LAMA1: variants seen among roughly 807,000 people sequenced by gnomAD.
The protein encoded by LAMA1 is laminin subunit alpha-1.
A neutral mutation model predicts 348.7 loss-of-function variants in LAMA1; 219 were observed. The observed-to-expected ratio is 0.63, with a 90% CI of 0.56 to 0.70. LAMA1 has a LOEUF of 0.70. LAMA1 is among the 30% of genes least tolerant of loss of function. The probability of loss-of-function intolerance (pLI) is 0.00; values close to 1 mark genes in which losing one functional copy is unlikely to be tolerated. For missense variants in LAMA1, 3,744 were observed against 3,888.0 expected (o/e 0.96, Z 0.99); for synonymous variants, 1,487 against 1,491.0 (o/e 1.00, Z 0.06).
intron 56 of LAMA1, 174 bp from the exon 57 acceptor site, chr18:6,955,639 C>A (rs2057572907): frequency 2.9e-6 from 2 of 693,090 alleles, no homozygotes; most frequent in Non-Finnish European, 5.3e-6. Flanking sequence ...CTCGCCAGCG[C>A]TTTATCTCCC....
At chr18:7,051,009 G>T in intron 3 of LAMA1, 73 bp from the exon 4 acceptor site, 1 of 1,563,230 alleles carries the variant, frequency 6.4e-7, no homozygotes, top group Non-Finnish European at 8.7e-7. Flanking sequence ...GCTACTGCAT[G>T]ATCTAACTTA....
At chr18:6,985,729 A>G in intron 37 of LAMA1, 86 bp from the exon 38 acceptor site, 1 of 817,502 alleles carries the variant, frequency 1.2e-6, no homozygotes, top group Non-Finnish European at 2.1e-6. Flanking sequence ...TGCAGAAGTT[A>G]GTGCATGGGA....
At chr18:7,032,943 G>T in intron 15 of LAMA1, 41 bp downstream of exon 15, 1 of 1,448,448 alleles carries the variant, frequency 6.9e-7, no homozygotes, top group Non-Finnish European at 9.5e-7. Flanking sequence ...TTCCCCTTAG[G>T]AAGGAACGAA....
chr18:7,015,575 T>C, intron 22 of LAMA1, 147 bp downstream of exon 22: 2 of 987,288 alleles, frequency 2.0e-6, no homozygotes, highest in Non-Finnish European at 3.0e-6. Context: ...CCACTGTGCC[T>C]GGCCCACATT....
intron 57 of LAMA1, among the ~76,000 whole-genome samples, chr18:6,952,022 A>G (rs2057549232): frequency 6.6e-6 from 1 of 152,148 alleles, no homozygotes. Flanking sequence ...CCCAGTCCAC[A>G]TGCAGATCTC....
At chr18:6,963,400 G>A (rs113544052) in intron 51 of LAMA1, among the ~76,000 whole-genome samples, 7 of 152,206 alleles carry the variant, frequency 4.6e-5, no homozygotes, top group African/African-American at 1.7e-4. Context: ...TGGCAGGAAG[G>A]TAAGACTTCG....
At chr18:6,945,813 C>A (rs11659912) in intron 61 of LAMA1, among the ~76,000 whole-genome samples, 66,416 of 151,758 alleles carry the variant, frequency 0.44, 15,421 homozygotes, top group Non-Finnish European at 0.52. Context: ...ACACTGAGAC[C>A]CCAGACCACT....
Position 7,036,059 on chromosome 18 carries a change from G to C in LAMA1, c.1767C>G (p.Tyr589Ter). 1.2e-6 allele frequency: 2 copies of C among 1,614,152 alleles called. No homozygotes were observed. Among genetic ancestry groups the C allele is most frequent in the Non-Finnish European group, 1.7e-6 (2 of 1,179,978 alleles). Reference sequence around the variant, plus strand: ...CTACCGGAATATCGTAGGACACCGTGTATTTCAGGAATCCGCCAAACGCAG... The same window carrying C: ...CTACCGGAATATCGTAGGACACCGTCTATTTCAGGAATCCGCCAAACGCAG... ...KLTAFGGFLK[Y>*]TVSYDIPVET... The change falls in exon 13 of 63, where the codon TAC (tyrosine) becomes TAG (stop). Residue 589 changes from tyrosine (Y) to a stop codon, truncating the protein, a stop_gained. Coordinates refer to ENST00000389658, the MANE Select transcript of LAMA1 (RefSeq NM_005559.4). LOFTEE classifies it high-confidence loss of function.
chr18:7,034,823 G>A, intron 13 of LAMA1, 133 bp from the exon 14 acceptor site: 1 of 727,880 alleles, frequency 1.4e-6, no homozygotes, highest in Non-Finnish European at 2.3e-6. Context: ...GTGTAATGGT[G>A]TGTACAGCTC....
At chr18:6,956,546 C>G (rs1194753377) in intron 56 of LAMA1, 90 bp downstream of exon 56, 9 of 1,593,558 alleles carry the variant, frequency 5.6e-6, no homozygotes, top group Non-Finnish European at 7.7e-6. Flanking sequence ...TCGCAGGCAC[C>G]TTTACAGCAA....
chr18:6,981,866 G>A (rs2057713258), intron 41 of LAMA1, among the ~76,000 whole-genome samples: 2 of 152,242 alleles, frequency 1.3e-5, no homozygotes, highest in South Asian at 4.1e-4. Context: ...CACATTATTT[G>A]TTATAAAAAA....
At chr18:7,062,808 T>G (rs918421817) in intron 3 of LAMA1, among the ~76,000 whole-genome samples, 1 of 152,144 alleles carries the variant, frequency 6.6e-6, no homozygotes, top group Non-Finnish European at 1.5e-5. Flanking sequence ...CCAGAGAATA[T>G]CTGGCTAAAA....
intron 16 of LAMA1, among the ~76,000 whole-genome samples, chr18:7,031,256 G>A (rs982672177): frequency 5.3e-5 from 8 of 152,098 alleles, no homozygotes; most frequent in African/African-American, 1.9e-4. Flanking sequence ...CACCTCTGAG[G>A]ATCAAACCCA....
At chr18:7,008,455 C>T (rs748459687) in intron 28 of LAMA1, 33 bp downstream of exon 28, 2 of 1,612,934 alleles carry the variant, frequency 1.2e-6, no homozygotes, top group Non-Finnish European at 8.5e-7. Flanking sequence ...CAACTCAAAC[C>T]CAGGAAATAG....
chr18:7,055,350 G>A (rs764601816), intron 3 of LAMA1, among the ~76,000 whole-genome samples: 18 of 151,282 alleles, frequency 1.2e-4, no homozygotes, highest in Non-Finnish European at 1.9e-4. Context: ...CTAATTGGGA[G>A]GCTGAGGCCA....
intron 44 of LAMA1, among the ~76,000 whole-genome samples, chr18:6,976,609 T>G (rs187837495): frequency 1.2e-3 from 178 of 151,504 alleles, no homozygotes; most frequent in African/African-American, 4.0e-3. Context: ...TTTATTTATT[T>G]ATTTATTTAT....
intron 61 of LAMA1, among the ~76,000 whole-genome samples, chr18:6,946,575 C>G (rs1260866718): frequency 1.3e-5 from 2 of 151,900 alleles, no homozygotes; most frequent in Admixed American, 6.6e-5. Context: ...AAAAATTAGC[C>G]GGGTGTGGTG....
intron 60 of LAMA1, among the ~76,000 whole-genome samples, chr18:6,948,181 G>T (rs2143969055): frequency 6.6e-6 from 1 of 152,334 alleles, no homozygotes; most frequent in East Asian, 1.9e-4. Flanking sequence ...TCTGTCAGGA[G>T]TCACACCACT....
rs761719293 is a variant in LAMA1, at chr18:6,961,661, C to T, written c.7551G>A (p.Thr2517=). The change falls in exon 53 of 63, where the codon ACG becomes ACA. Residue 2517 remains threonine (T), a synonymous_variant. Transcript: ENST00000389658. ...ESEWLVTFAT[T]NSSGIILAAL... is the part of the protein sequence containing the mutation. ...CAGCCAGGATGATGCCACTGCTGTT[C>T]GTGGTGGCAAATGTTACCAGCCATT... is the stretch of plus-strand genomic sequence containing the variant. The T allele has an allele frequency of 9.9e-5, 160 of 1,613,964 alleles. No individual in the cohort carries two copies. The highest frequency in any genetic ancestry group is 1.3e-4 in the Non-Finnish European group (153 of 1,180,018).
Sources: gnomAD v4.1 joint callset for allele counts (sites outside exome capture counted in the v4.1 genomes callset) on GRCh38, gnomAD v4.1.1 for gene constraint, MANE v1.5 for transcripts, NCBI Gene and HGNC (gene_info 2026-07-23, HGNC 2026-07-21) for gene names.